The following IGFBP7 variants were observed in gnomAD, a reference collection of about 807,000 sequenced individuals.
The protein encoded by IGFBP7 is insulin like growth factor binding protein 7, also known as insulin-like growth factor-binding protein 7.
Under a neutral mutation model 29.4 loss-of-function variants are expected in IGFBP7, and 31 were observed. That is an observed-to-expected ratio of 1.05 (90% confidence interval 0.79 to 1.42). The LOEUF (loss-of-function observed/expected upper bound fraction) is 1.42. Among genes scored for constraint, IGFBP7 ranks in the 40% most tolerant of loss-of-function variants. IGFBP7 has a pLI of 0.00. For missense variants in IGFBP7, 393 were observed against 395.5 expected (o/e 0.99, Z 0.05); for synonymous variants, 172 against 174.9 (o/e 0.98, Z 0.13).
intron 1 of IGFBP7, among the ~76,000 whole-genome samples, chr4:57,071,473 T>C (rs1725052576): frequency 1.3e-5 from 2 of 152,218 alleles, no homozygotes; most frequent in Admixed American, 1.3e-4. Flanking sequence ...TGGTTCTTAA[T>C]CACTTGGGGT....
At chr4:57,042,628 G>A (rs1421055625) in intron 1 of IGFBP7, among the ~76,000 whole-genome samples, 5 of 152,276 alleles carry the variant, frequency 3.3e-5, no homozygotes, top group East Asian at 1.9e-4. Flanking sequence ...GATTACAGGC[G>A]TGAGCCACTA....
intron 1 of IGFBP7, among the ~76,000 whole-genome samples, chr4:57,090,406 T>G (rs1232128055): frequency 6.6e-6 from 1 of 152,224 alleles, no homozygotes; most frequent in African/African-American, 2.4e-5. Context: ...CATCTTATTC[T>G]GTAGTGTTGA....
At chr4:57,055,356 T>C (rs552383586) in intron 1 of IGFBP7, among the ~76,000 whole-genome samples, 1 of 152,206 alleles carries the variant, frequency 6.6e-6, no homozygotes, top group South Asian at 2.1e-4. Flanking sequence ...TAAAAAAAAC[T>C]CCCTAGGTAG....
chr4:57,082,652 A>C (rs1725399244), intron 1 of IGFBP7, among the ~76,000 whole-genome samples: 1 of 152,236 alleles, frequency 6.6e-6, no homozygotes, highest in Non-Finnish European at 1.5e-5. Context: ...CACTGTAACA[A>C]TTCAAATATA....
intron 1 of IGFBP7, among the ~76,000 whole-genome samples, chr4:57,094,799 C>T (rs1725723793): frequency 6.6e-6 from 1 of 152,216 alleles, no homozygotes; most frequent in Admixed American, 6.5e-5. Context: ...TGTCAATCCT[C>T]ACTATTTGTG....
At chr4:57,034,205 C>T (rs1724025572) in intron 2 of IGFBP7, among the ~76,000 whole-genome samples, 1 of 151,828 alleles carries the variant, frequency 6.6e-6, no homozygotes, top group Admixed American at 6.6e-5. Context: ...TCCTTTTTGC[C>T]CTCATTTTAA....
chr4:57,049,044 C>G (rs1440069942), intron 1 of IGFBP7, among the ~76,000 whole-genome samples: 4 of 152,134 alleles, frequency 2.6e-5, no homozygotes, highest in African/African-American at 9.7e-5. Context: ...CTGTCTGGGT[C>G]TGGAGCTCTC....
intron 2 of IGFBP7, among the ~76,000 whole-genome samples, chr4:57,040,259 G>C (rs906607346): frequency 6.6e-6 from 1 of 152,054 alleles, no homozygotes; most frequent in African/African-American, 2.4e-5. Flanking sequence ...ATGCTCCCAG[G>C]AGAAGGCTAC....
intron 1 of IGFBP7, among the ~76,000 whole-genome samples, chr4:57,047,087 G>A (rs114518130): frequency 0.012 from 1,783 of 152,256 alleles, 32 homozygotes; most frequent in African/African-American, 0.035. Context: ...GGATGATATG[G>A]TTTGACTGTG....
intron 1 of IGFBP7, among the ~76,000 whole-genome samples, chr4:57,041,868 G>A (rs1286786631): frequency 6.6e-6 from 1 of 152,080 alleles, no homozygotes; most frequent in Non-Finnish European, 1.5e-5. Context: ...AAGAGGCCCG[G>A]GTGTCGAGGA....
intron 1 of IGFBP7, among the ~76,000 whole-genome samples, chr4:57,086,655 G>T (rs539106240): frequency 6.6e-6 from 1 of 152,200 alleles, no homozygotes; most frequent in South Asian, 2.1e-4. Context: ...TTGGGTTTTG[G>T]TATCTAGAGG....
At chr4:57,052,398 T>G (rs11735180) in intron 1 of IGFBP7, among the ~76,000 whole-genome samples, 31,895 of 152,072 alleles carry the variant, frequency 0.21, 3,491 homozygotes, top group Middle Eastern at 0.29. Context: ...ATTTCAGGTA[T>G]CACCTGGGCC....
intron 1 of IGFBP7, chr4:57,072,817 A>G (rs1173396189): frequency 1.8e-6 from 1 of 569,910 alleles, no homozygotes; most frequent in African/African-American, 1.9e-5. Context: ...CAGCATATGA[A>G]GACCTGAGGT....
chr4:57,099,326 C>G (rs1168096952), intron 1 of IGFBP7, among the ~76,000 whole-genome samples: 1 of 152,180 alleles, frequency 6.6e-6, no homozygotes, highest in African/African-American at 2.4e-5. Flanking sequence ...AGTTCTCAAA[C>G]CCCTGCATGA....
intron 1 of IGFBP7, among the ~76,000 whole-genome samples, chr4:57,094,997 GT>G (rs1276954799): frequency 6.6e-6 from 1 of 152,220 alleles, no homozygotes; most frequent in Non-Finnish European, 1.5e-5. Flanking sequence ...CCTACAGTCT[GT>G]GTGGTGCCAC....
At chr4:57,075,102 C>A (rs1578635428) in intron 1 of IGFBP7, among the ~76,000 whole-genome samples, 1 of 152,204 alleles carries the variant, frequency 6.6e-6, no homozygotes, top group Non-Finnish European at 1.5e-5. Flanking sequence ...TGATAGTTTG[C>A]AAATTCAAAG....
At chr4:57,075,570 A>G (rs1434822874) in intron 1 of IGFBP7, among the ~76,000 whole-genome samples, 1 of 152,218 alleles carries the variant, frequency 6.6e-6, no homozygotes, top group Non-Finnish European at 1.5e-5. Flanking sequence ...AATATATTAA[A>G]GTGCTTTTCT....
Position 57,101,694 on chromosome 4 carries a change from TC to T in IGFBP7, c.475+8182del, listed in dbSNP as rs1725900711. On this transcript the variant is annotated intron_variant, in intron 1 of 4. Transcript: ENST00000295666. ...ATAAATAAGTAAACGTTTCCCCCCC[TC>T]CCCCCATTATCATCCTGGCTTTTTT... Among the ~76,000 whole-genome samples the T allele has an allele frequency of 7.1e-5, 5 of 70,882 alleles. No individual in the cohort carries two copies. In the Admixed American group the frequency reaches 7.6e-4, roughly 11 times the overall value. 46.5% of individuals were successfully genotyped at this position (70,882 alleles called of 152,430 possible). A position where few individuals can be genotyped will look rare whatever the true frequency, so the allele number is the denominator to read the frequency against.
intron 2 of IGFBP7, among the ~76,000 whole-genome samples, chr4:57,035,631 T>G (rs952273938): frequency 6.6e-6 from 1 of 152,048 alleles, no homozygotes; most frequent in African/African-American, 2.4e-5. Context: ...TGGCTAATTT[T>G]TATAGTTTTA....
Sources: gnomAD v4.1 joint callset for allele counts (sites outside exome capture counted in the v4.1 genomes callset) on GRCh38, gnomAD v4.1.1 for gene constraint, MANE v1.5 for transcripts, NCBI Gene and HGNC (gene_info 2026-07-23, HGNC 2026-07-21) for gene names.